CADM2: variants seen among roughly 807,000 people sequenced by gnomAD.
The protein encoded by CADM2 is immunoglobulin superfamily member 4D.
In CADM2, 12 loss-of-function variants were observed where a neutral mutation model predicts 49.8. That is an observed-to-expected ratio of 0.24 (90% CI 0.15 to 0.39). CADM2 has a LOEUF of 0.39. CADM2 is among the 10% of genes least tolerant of loss of function. The pLI is 1.00. For missense variants in CADM2, 378 were observed against 492.3 expected, an observed-to-expected ratio of 0.77 and a Z score of 2.20; for synonymous variants, 214 against 175.4, an observed-to-expected ratio of 1.22 and a Z score of -1.74.
chr3:85,945,189 A>C (rs896648744), intron 7 of CADM2, among the ~76,000 whole-genome samples: 4 of 152,182 alleles, frequency 2.6e-5, no homozygotes, highest in Non-Finnish European at 5.9e-5. Context: ...AGAAATGGAT[A>C]AATTCCTCGA....
At chr3:85,470,341 G>C (rs746955252) in intron 1 of CADM2, among the ~76,000 whole-genome samples, 1 of 152,128 alleles carries the variant, frequency 6.6e-6, no homozygotes, top group Admixed American at 6.5e-5. Flanking sequence ...GGGAATACAG[G>C]TAAAAAGACA....
chr3:85,472,147 T>C (rs185971422), intron 1 of CADM2, among the ~76,000 whole-genome samples: 97 of 152,122 alleles, frequency 6.4e-4, no homozygotes, highest in African/African-American at 2.2e-3. Context: ...TATATATTTG[T>C]ACACCATAGC....
In CADM2 at chr3:85,452,576, C is replaced by A. The variant is rs528157805; in HGVS notation, c.62-273946C>A. On this transcript the variant is annotated intron_variant, in intron 1 of 9. Coordinates refer to ENST00000383699, the MANE Select transcript of CADM2 (RefSeq NM_001167675.2). Reference sequence around the variant, plus strand: ...AAGGCAATTAAAACAACAACAACAACAACAAAAAAGAGACAAACAGTTGTT... The same window carrying A: ...AAGGCAATTAAAACAACAACAACAAAAACAAAAAAGAGACAAACAGTTGTT... Among the ~76,000 whole-genome samples, 145 of 151,324 alleles carry A rather than the reference C, an allele frequency of 9.6e-4. 1 individual carries two copies. In the Middle Eastern group the frequency reaches 0.014, roughly 14 times the overall value.
intron 1 of CADM2, among the ~76,000 whole-genome samples, chr3:85,418,933 C>T (rs1342884269): frequency 6.6e-6 from 1 of 150,760 alleles, no homozygotes; most frequent in Non-Finnish European, 1.5e-5. Context: ...ACCTACCTTT[C>T]TAATTTTTAA....
chr3:85,464,895 A>T (rs546982138), intron 1 of CADM2, among the ~76,000 whole-genome samples: 1 of 152,188 alleles, frequency 6.6e-6, no homozygotes, highest in Non-Finnish European at 1.5e-5. Context: ...TCACGCCGTA[A>T]TCTCAGCACT....
At chr3:85,224,795 G>A (rs1355234743) in intron 1 of CADM2, among the ~76,000 whole-genome samples, 1 of 152,152 alleles carries the variant, frequency 6.6e-6, no homozygotes, top group Non-Finnish European at 1.5e-5. Flanking sequence ...GTAAGGAAGG[G>A]ATCCAGTTTC....
At chr3:85,946,737 A>G (rs1180383404) in intron 7 of CADM2, among the ~76,000 whole-genome samples, 1 of 152,180 alleles carries the variant, frequency 6.6e-6, no homozygotes, top group Non-Finnish European at 1.5e-5. Context: ...AAAACTGGCT[A>G]GCCATATGTA....
In CADM2 at chr3:84,980,411, A is replaced by G. The variant is rs540553499; in HGVS notation, c.61+20743A>G. Among the ~76,000 whole-genome samples, 4 of 152,156 alleles carry G rather than the reference A, an allele frequency of 2.6e-5. No individual in the cohort carries two copies. The East Asian group carries it at 7.7e-4, about 29-fold the overall frequency. ...AATTTATTATGAACAGCAAAATATTAACAGATAGAAGAGTTTTTCCACATG... is the reference window on the plus strand; with the variant it reads ...AATTTATTATGAACAGCAAAATATTGACAGATAGAAGAGTTTTTCCACATG... On this transcript the variant is annotated intron_variant, in intron 1 of 9. Transcript: ENST00000383699.
chr3:85,074,654 G>A (rs1186874491), intron 1 of CADM2, among the ~76,000 whole-genome samples: 1 of 152,028 alleles, frequency 6.6e-6, no homozygotes, highest in Non-Finnish European at 1.5e-5. Context: ...CAACCTGGGG[G>A]GCAGAAAATG....
chr3:86,055,003 G>A (rs138692913), intron 8 of CADM2, among the ~76,000 whole-genome samples: 2 of 152,056 alleles, frequency 1.3e-5, no homozygotes, highest in African/African-American at 2.4e-5. Flanking sequence ...AGCTCCAAGA[G>A]AGAAAGACAG....
chr3:85,484,728 G>C (rs1170881331), intron 1 of CADM2, among the ~76,000 whole-genome samples: 3 of 151,932 alleles, frequency 2.0e-5, no homozygotes, highest in African/African-American at 7.2e-5. Context: ...ACTTAAAACT[G>C]AAACTATTGT....
intron 1 of CADM2, among the ~76,000 whole-genome samples, chr3:85,104,409 C>G (rs1291802594): frequency 6.6e-6 from 1 of 152,032 alleles, no homozygotes; most frequent in South Asian, 2.1e-4. Context: ...TGACCTATAT[C>G]TCTGTTTTGG....
intron 1 of CADM2, among the ~76,000 whole-genome samples, chr3:85,259,525 C>T (rs575038011): frequency 1.3e-5 from 2 of 152,070 alleles, no homozygotes; most frequent in South Asian, 2.1e-4. Flanking sequence ...GAAATGATGC[C>T]TTCAGTAGTT....
At chr3:85,319,633 C>G (rs2044551769) in intron 1 of CADM2, among the ~76,000 whole-genome samples, 2 of 152,110 alleles carry the variant, frequency 1.3e-5, no homozygotes, top group Non-Finnish European at 2.9e-5. Context: ...GAGATCATGT[C>G]CTTTACAGGA....
At chr3:85,895,826 T>C (rs926819043) in intron 5 of CADM2, among the ~76,000 whole-genome samples, 11 of 152,206 alleles carry the variant, frequency 7.2e-5, no homozygotes, top group Admixed American at 5.2e-4. Context: ...CTCCTGTGCT[T>C]TCTGCCATGA....
intron 1 of CADM2, among the ~76,000 whole-genome samples, chr3:85,583,606 A>T (rs899517986): frequency 2.0e-5 from 3 of 152,146 alleles, no homozygotes; most frequent in Admixed American, 2.0e-4. Context: ...AGGATTATAG[A>T]AGATGTTTAT....
intron 1 of CADM2, among the ~76,000 whole-genome samples, chr3:85,114,896 G>A (rs996247463): frequency 6.6e-6 from 1 of 152,084 alleles, no homozygotes; most frequent in Non-Finnish European, 1.5e-5. Flanking sequence ...GGGAGATCTA[G>A]ATCTTAGTTC....
At chr3:85,365,304 C>G (rs909215077) in intron 1 of CADM2, among the ~76,000 whole-genome samples, 1 of 145,162 alleles carries the variant, frequency 6.9e-6, no homozygotes, top group African/African-American at 2.5e-5. Flanking sequence ...GAGGGCTTTT[C>G]TCTTTGCCAC....
intron 6 of CADM2, among the ~76,000 whole-genome samples, chr3:85,920,993 G>A (rs1719029578): frequency 6.6e-6 from 1 of 151,816 alleles, no homozygotes; most frequent in South Asian, 2.1e-4. Context: ...TTCATAAAGA[G>A]GCAGTAAAAC....
Sources: gnomAD v4.1 joint callset for allele counts (sites outside exome capture counted in the v4.1 genomes callset) on GRCh38, gnomAD v4.1.1 for gene constraint, MANE v1.5 for transcripts, NCBI Gene and HGNC (gene_info 2026-07-23, HGNC 2026-07-21) for gene names.